The following TBC1D32 variants were observed in gnomAD, a reference collection of about 807,000 sequenced individuals.
TBC1D32 encodes protein broad-minded.
A neutral mutation model predicts 170.3 loss-of-function variants in TBC1D32; 151 were observed. The ratio of observed to expected loss-of-function variants is 0.89; its 90% CI spans 0.78 to 1.01. The LOEUF (loss-of-function observed/expected upper bound fraction) is 1.01, where lower values mean the gene tolerates loss of function less well. Ranked by LOEUF, TBC1D32 falls within the 50% of genes least tolerant of loss-of-function variation. The probability of loss-of-function intolerance (pLI) is 0.00; values close to 1 mark genes in which losing one functional copy is unlikely to be tolerated. For synonymous variants in TBC1D32, 498 were observed against 488.0 expected, an observed-to-expected ratio of 1.02 and a Z score of -0.27; for missense variants, 1,464 against 1,457.1, an observed-to-expected ratio of 1.00 and a Z score of -0.08.
chr6:121,234,626 T>C (rs958006806), intron 20 of TBC1D32, among the ~76,000 whole-genome samples: 3 of 152,124 alleles, frequency 2.0e-5, no homozygotes, highest in Non-Finnish European at 4.4e-5. Flanking sequence ...TCCTGTATCA[T>C]GTTTTTTATT....
chr6:121,178,869 C>T (rs1004187271), intron 22 of TBC1D32, among the ~76,000 whole-genome samples: 2 of 152,152 alleles, frequency 1.3e-5, no homozygotes, highest in Non-Finnish European at 2.9e-5. Flanking sequence ...AAGAACTAAA[C>T]TCAGCCAACA....
intron 20 of TBC1D32, chr6:121,236,899 G>C (rs960534798): frequency 6.6e-6 from 1 of 151,852 alleles, no homozygotes; most frequent in Non-Finnish European, 1.5e-5. Flanking sequence ...TCATAATTTT[G>C]TTTTAAAAAA....
chr6:121,198,930 C>G (rs1791185869), intron 22 of TBC1D32, among the ~76,000 whole-genome samples: 1 of 151,240 alleles, frequency 6.6e-6, no homozygotes, highest in African/African-American at 2.5e-5. Flanking sequence ...AGAATAAAGT[C>G]ACTGATGCTG....
At chr6:121,297,602 A>G (rs985947956) in intron 10 of TBC1D32, among the ~76,000 whole-genome samples, 1 of 152,064 alleles carries the variant, frequency 6.6e-6, no homozygotes, top group Admixed American at 6.6e-5. Flanking sequence ...GGGAACAAAG[A>G]CTATCTTAAC....
chr6:121,214,045 T>A (rs1293778416), intron 21 of TBC1D32, among the ~76,000 whole-genome samples: 1 of 152,246 alleles, frequency 6.6e-6, no homozygotes. Context: ...AAGAACTCCC[T>A]GTTTGATAAA....
intron 1 of TBC1D32, among the ~76,000 whole-genome samples, chr6:121,327,901 C>T (rs189105679): frequency 7.1e-4 from 108 of 152,220 alleles, no homozygotes; most frequent in Non-Finnish European, 1.3e-3. Context: ...CGAAGAATTA[C>T]AAAATTCCAA....
At chr6:121,242,107 A>G (rs1419907843) in intron 18 of TBC1D32, 94 bp downstream of exon 18, 1 of 1,341,426 alleles carries the variant, frequency 7.5e-7, no homozygotes, top group Non-Finnish European at 1.0e-6. Context: ...CAGAGGCTTA[A>G]TAACTTCTTC....
rs112233141 is a variant in TBC1D32 at position 121,191,711 on chromosome 6, T to C, written c.2570+13364A>G. On this transcript the variant is annotated intron_variant, in intron 22 of 31. Coordinates refer to ENST00000398212, the MANE Select transcript of TBC1D32 (RefSeq NM_152730.6). The stretch of plus-strand genomic sequence containing the variant: ...GTGGTGATTAATACTAAGTGTCAAC[T>C]TGATTGGATTTAAGGATGCAAAGTA... 3.9e-3 allele frequency among the ~76,000 whole-genome samples: 598 copies of C among 152,228 alleles called. 2 individuals are homozygous for C. The highest frequency in any genetic ancestry group is 0.013 in the African/African-American group (548 of 41,550).
chr6:121,218,378 C>T (rs1382624947), intron 21 of TBC1D32, among the ~76,000 whole-genome samples: 1 of 152,162 alleles, frequency 6.6e-6, no homozygotes, highest in African/African-American at 2.4e-5. Context: ...CAAATCTCAC[C>T]TTGAACTGTA....
chr6:121,215,257 T>G (rs1300684916), intron 21 of TBC1D32, among the ~76,000 whole-genome samples: 5 of 152,192 alleles, frequency 3.3e-5, no homozygotes, highest in African/African-American at 9.6e-5. Context: ...GCCCTCATAC[T>G]TCAGGCCAAC....
intron 24 of TBC1D32, among the ~76,000 whole-genome samples, chr6:121,144,508 G>A (rs898988597): frequency 8.5e-5 from 13 of 152,084 alleles, no homozygotes; most frequent in East Asian, 1.9e-4. Flanking sequence ...CATGAATGCC[G>A]TTAGGTTTAT....
At chr6:121,223,494 A>G in intron 20 of TBC1D32, 142 bp from the exon 21 acceptor site, 1 of 660,866 alleles carries the variant, frequency 1.5e-6, no homozygotes, top group Non-Finnish European at 2.7e-6. Flanking sequence ...TGAAATATGT[A>G]CATATATAAG....
intron 3 of TBC1D32, among the ~76,000 whole-genome samples, chr6:121,316,246 G>A (rs1808925096): frequency 6.6e-6 from 1 of 152,026 alleles, no homozygotes. Context: ...CTGAATACCT[G>A]TACTTCTTAG....
Position 121,110,286 on chromosome 6 carries a change from A to G in TBC1D32, c.3324+2219T>C, listed in dbSNP as rs1779080474. 1.3e-5 allele frequency among the ~76,000 whole-genome samples: 2 copies of G among 150,130 alleles called. 1 individual carries two copies. Among genetic ancestry groups the G allele is most frequent in the South Asian group, 4.2e-4 (2 of 4,814 alleles). On this transcript the variant is annotated intron_variant, in intron 29 of 31. Coordinates refer to ENST00000398212, the MANE Select transcript of TBC1D32 (RefSeq NM_152730.6). ...AAATTTTATATATATATATAAAAAT[A>G]TATAAATTTACACACTCAACATACA...
intron 17 of TBC1D32, among the ~76,000 whole-genome samples, chr6:121,245,731 C>A (rs1434375336): frequency 6.6e-6 from 1 of 152,030 alleles, no homozygotes; most frequent in Non-Finnish European, 1.5e-5. Context: ...GGAGCAAACT[C>A]CCCTCCCCCC....
At chr6:121,277,530 C>T (rs1802397501) in intron 15 of TBC1D32, among the ~76,000 whole-genome samples, 1 of 129,624 alleles carries the variant, frequency 7.7e-6, no homozygotes, top group Non-Finnish European at 1.6e-5. Flanking sequence ...TCAAAGAAAT[C>T]TCAAGAGAAA....
At chr6:121,117,395 G>T (rs1384065760) in intron 26 of TBC1D32, among the ~76,000 whole-genome samples, 1 of 152,054 alleles carries the variant, frequency 6.6e-6, no homozygotes, top group Non-Finnish European at 1.5e-5. Context: ...ATGGGTTAGG[G>T]GCATATATTT....
chr6:121,143,360 C>T (rs2128227411), intron 24 of TBC1D32, among the ~76,000 whole-genome samples: 1 of 152,060 alleles, frequency 6.6e-6, no homozygotes, highest in South Asian at 2.1e-4. Context: ...TAAAGAAAAA[C>T]AATTGAACCA....
chr6:121,285,871 C>A (rs544539693), intron 12 of TBC1D32, among the ~76,000 whole-genome samples: 4 of 152,196 alleles, frequency 2.6e-5, no homozygotes, highest in Admixed American at 2.0e-4. Flanking sequence ...GATACCCAGG[C>A]AAACAGGGTC....
Sources: allele counts gnomAD v4.1 joint callset (sites outside exome capture counted in the v4.1 genomes callset), GRCh38; gene constraint gnomAD v4.1.1; transcripts MANE v1.5; gene names NCBI Gene and HGNC (gene_info 2026-07-23, HGNC 2026-07-21).